Variants in CPVL observed in about 807,000 individuals in gnomAD.
The protein encoded by CPVL is carboxypeptidase vitellogenic like.
In CPVL, 51 loss-of-function variants were observed where a neutral mutation model predicts 63.7. That is an observed-to-expected ratio of 0.80 (90% CI 0.64 to 1.01). The LOEUF is 1.01. CPVL is among the 50% of genes least tolerant of loss of function. The pLI is 0.00. For synonymous variants in CPVL, 195 were observed against 206.0 expected, an observed-to-expected ratio of 0.95 and a Z score of 0.46; for missense variants, 530 against 573.1, an observed-to-expected ratio of 0.92 and a Z score of 0.77.
At position 29,176,696 on chromosome 7, in the gene CPVL, A is replaced by G. The variant is rs369433223; in HGVS notation, c.-11+4594T>C. 4.6e-5 allele frequency among the ~76,000 whole-genome samples: 7 copies of G among 152,302 alleles called. No individual in the cohort carries two copies. The South Asian group carries it at 6.2e-4, about 14-fold the overall frequency. ...AGAATTTTGAGCCAAGAAAATGGGA[A>G]ACTTCTGTTTAAACCTAAATTAACG... On this transcript the variant is annotated intron_variant, in intron 5 of 16. Transcript: ENST00000409850.
intron 12 of CPVL, among the ~76,000 whole-genome samples, chr7:29,025,286 C>T (rs879697113): frequency 2.0e-5 from 3 of 152,188 alleles, no homozygotes; most frequent in Non-Finnish European, 2.9e-5. Context: ...CCAACATTTG[C>T]TCAGCTTCTG....
intron 12 of CPVL, among the ~76,000 whole-genome samples, chr7:29,003,729 C>T (rs1026942478): frequency 6.6e-6 from 1 of 152,158 alleles, no homozygotes; most frequent in African/African-American, 2.4e-5. Context: ...TTGTGGGAGA[C>T]GGTTTTTCCA....
chr7:29,068,328 T>C (rs533976281), intron 9 of CPVL, among the ~76,000 whole-genome samples: 7 of 152,258 alleles, frequency 4.6e-5, no homozygotes, highest in African/African-American at 1.4e-4. Flanking sequence ...ATTCATATTC[T>C]TTTTCAAACA....
At chr7:29,175,856 G>A (rs540664827) in intron 5 of CPVL, among the ~76,000 whole-genome samples, 1 of 152,138 alleles carries the variant, frequency 6.6e-6, no homozygotes, top group African/African-American at 2.4e-5. Context: ...GACAGATTAG[G>A]CAATATTCAA....
chr7:29,160,777 G>A (rs763192776), intron 5 of CPVL, among the ~76,000 whole-genome samples: 2 of 152,138 alleles, frequency 1.3e-5, no homozygotes, highest in African/African-American at 2.4e-5. Context: ...TCTTAATGAC[G>A]TTGATCTAAC....
chr7:29,090,213 C>G (rs1785628480), intron 6 of CPVL, among the ~76,000 whole-genome samples: 1 of 150,692 alleles, frequency 6.6e-6, no homozygotes, highest in Non-Finnish European at 1.5e-5. Flanking sequence ...AGGCTAAGCC[C>G]CACTTTGGGG....
chr7:29,141,486 G>GT (rs1240316477), intron 1 of CPVL, among the ~76,000 whole-genome samples: 2 of 152,086 alleles, frequency 1.3e-5, no homozygotes, highest in Non-Finnish European at 2.9e-5. Context: ...GGAGGCGGAG[G>GT]TTGCAGTGAG....
intron 7 of CPVL, among the ~76,000 whole-genome samples, chr7:29,073,274 C>G (rs1783928055): frequency 6.6e-6 from 1 of 152,312 alleles, no homozygotes; most frequent in Non-Finnish European, 1.5e-5. Flanking sequence ...TCGTATTCCA[C>G]AGAAGTCAAT....
At chr7:29,185,024 T>C (rs1054453844) in intron 3 of CPVL, among the ~76,000 whole-genome samples, 1 of 152,212 alleles carries the variant, frequency 6.6e-6, no homozygotes, top group African/African-American at 2.4e-5. Flanking sequence ...CCCCTCTTTC[T>C]GTCCAAGCTG....
At chr7:29,179,490 G>A (rs184793425) in intron 5 of CPVL, among the ~76,000 whole-genome samples, 1 of 152,314 alleles carries the variant, frequency 6.6e-6, no homozygotes, top group African/African-American at 2.4e-5. Context: ...CAGGAACCCA[G>A]ACTCAACACA....
intron 5 of CPVL, among the ~76,000 whole-genome samples, chr7:29,151,950 C>T (rs1156957735): frequency 2.0e-5 from 3 of 152,200 alleles, no homozygotes; most frequent in Non-Finnish European, 4.4e-5. Flanking sequence ...TAAACAAACT[C>T]CCTTAGGTGA....
chr7:29,179,001 A>G (rs1797725656), intron 5 of CPVL, among the ~76,000 whole-genome samples: 1 of 152,128 alleles, frequency 6.6e-6, no homozygotes, highest in Non-Finnish European at 1.5e-5. Flanking sequence ...GCACCTCCTC[A>G]GTTATGGTTT....
At chr7:29,119,298 C>T (rs1789095304) in intron 2 of CPVL, among the ~76,000 whole-genome samples, 1 of 152,076 alleles carries the variant, frequency 6.6e-6, no homozygotes, top group Non-Finnish European at 1.5e-5. Flanking sequence ...ACAAGCTTGG[C>T]CAACAAGGCA....
intron 1 of CPVL, chr7:29,194,653 C>T (rs966991641): frequency 9.1e-6 from 3 of 328,486 alleles, no homozygotes; most frequent in Admixed American, 5.0e-5. Context: ...ATCCGCCCGT[C>T]CCGGCTGCCC....
At chr7:29,183,383 C>CT (rs200037874) in intron 4 of CPVL, among the ~76,000 whole-genome samples, 5,705 of 141,296 alleles carry the variant, frequency 0.04, 333 homozygotes, top group African/African-American at 0.14. Flanking sequence ...CGTGCCTAGC[C>CT]TTTTTTTTTT....
At chr7:29,024,608 C>T (rs1468913153) in intron 12 of CPVL, among the ~76,000 whole-genome samples, 2 of 152,142 alleles carry the variant, frequency 1.3e-5, no homozygotes, top group African/African-American at 2.4e-5. Flanking sequence ...AGAAAATTGT[C>T]AAGGCACATA....
At chr7:29,184,613 A>G (rs1376216188) in intron 3 of CPVL, 1 of 152,200 alleles carries the variant, frequency 6.6e-6, no homozygotes, top group Non-Finnish European at 1.5e-5. Context: ...TCTTACTCTC[A>G]AGGGAGGGTC....
At chr7:29,007,391 ATTG>A (rs200651212) in intron 12 of CPVL, among the ~76,000 whole-genome samples, 13,559 of 152,148 alleles carry the variant, frequency 0.089, 1,799 homozygotes, top group African/African-American at 0.29. Flanking sequence ...GGGAGTTGCT[ATTG>A]TTTATTATTT....
upstream of CPVL, among the ~76,000 whole-genome samples, chr7:29,151,234 G>A (rs1273779112): frequency 6.6e-6 from 1 of 152,166 alleles, no homozygotes; most frequent in African/African-American, 2.4e-5. Flanking sequence ...TCCACTCTTA[G>A]CATGATTATC....
Sources: gnomAD v4.1 joint callset for allele counts (sites outside exome capture counted in the v4.1 genomes callset) on GRCh38, gnomAD v4.1.1 for gene constraint, MANE v1.5 for transcripts, NCBI Gene and HGNC (gene_info 2026-07-23, HGNC 2026-07-21) for gene names.